TMEM132B: variants seen among roughly 807,000 people sequenced by gnomAD.
TMEM132B encodes the protein transmembrane protein 132B.
A neutral mutation model predicts 90.8 loss-of-function variants in TMEM132B; 18 were observed. The ratio of observed to expected loss-of-function variants is 0.20; its 90% CI spans 0.14 to 0.29. The LOEUF (loss-of-function observed/expected upper bound fraction) is 0.29. Among genes scored for constraint, TMEM132B ranks in the 10% least tolerant of loss-of-function variants. TMEM132B has a pLI of 1.00. For missense variants in TMEM132B, 1,096 were observed against 1,326.8 expected (o/e 0.83, Z 2.70); for synonymous variants, 504 against 523.3 (o/e 0.96, Z 0.50).
intron 1 of TMEM132B, among the ~76,000 whole-genome samples, chr12:125,264,539 G>A (rs1309167592): frequency 6.6e-6 from 1 of 152,206 alleles, no homozygotes; most frequent in Non-Finnish European, 1.5e-5. Flanking sequence ...TTGCTGGAGT[G>A]TTGATGGGGG....
intron 5 of TMEM132B, among the ~76,000 whole-genome samples, chr12:125,601,495 G>T (rs2136920186): frequency 6.6e-6 from 1 of 152,222 alleles, no homozygotes; most frequent in East Asian, 1.9e-4. Flanking sequence ...AGCACTAAAT[G>T]CCCACATTAG....
intron 1 of TMEM132B, among the ~76,000 whole-genome samples, chr12:125,286,867 C>T (rs1875371427): frequency 6.6e-6 from 1 of 152,102 alleles, no homozygotes; most frequent in Admixed American, 6.5e-5. Context: ...CCACACCCAG[C>T]TGATTTTTTA....
chr12:125,649,476 C>T lies in TMEM132B; in HGVS notation c.1644-1207C>T, dbSNP rs1303881359. ...AGCTGTGTGGCCCTGGCTGAGTGGC[C>T]GCACAAACCATGTCTTGGTTTCCTC... On this transcript the variant is annotated intron_variant, in intron 6 of 8. Transcript: ENST00000682704. 1.2e-4 allele frequency among the ~76,000 whole-genome samples: 19 copies of T among 152,296 alleles called. 1 individual carries two copies. Among genetic ancestry groups the T allele is most frequent in the Admixed American group, 7.2e-4 (11 of 15,300 alleles).
chr12:125,584,778 A>G (rs1019212323), intron 5 of TMEM132B: 7 of 152,070 alleles, frequency 4.6e-5, no homozygotes, highest in South Asian at 2.1e-4. Context: ...ATTTCTGCCT[A>G]TTTTTTCTTA....
intron 1 of TMEM132B, among the ~76,000 whole-genome samples, chr12:125,296,195 C>T (rs981269337): frequency 8.5e-5 from 13 of 152,310 alleles, no homozygotes; most frequent in South Asian, 4.1e-4. Flanking sequence ...CCCAGTACAG[C>T]GTGGTCCTGG....
chr12:125,400,017 A>G (rs1879272076), intron 2 of TMEM132B, among the ~76,000 whole-genome samples: 1 of 152,072 alleles, frequency 6.6e-6, no homozygotes, highest in Non-Finnish European at 1.5e-5. Flanking sequence ...CATTTCTACA[A>G]TTGTAGCTGC....
intron 3 of TMEM132B, among the ~76,000 whole-genome samples, chr12:125,475,991 A>T (rs1032165605): frequency 6.6e-6 from 1 of 152,148 alleles, no homozygotes. Flanking sequence ...TTGGATGTGT[A>T]ACCCTGCTTT....
At chr12:125,242,014 CT>C (rs938896387) in intron 1 of TMEM132B, among the ~76,000 whole-genome samples, 73 of 152,310 alleles carry the variant, frequency 4.8e-4, no homozygotes, top group African/African-American at 1.7e-3. Context: ...CTCCAAAGAT[CT>C]GTTGTGAATG....
chr12:125,307,796 C>T (rs1191950227), intron 1 of TMEM132B, among the ~76,000 whole-genome samples: 492 of 24,926 alleles, frequency 0.02, no homozygotes, highest in Admixed American at 0.026. Flanking sequence ...AAGTATATTA[C>T]AAGTATATAT....
intron 2 of TMEM132B, among the ~76,000 whole-genome samples, chr12:125,386,653 AT>A (rs1878844568): frequency 1.3e-5 from 2 of 152,242 alleles, no homozygotes; most frequent in African/African-American, 4.8e-5. Flanking sequence ...TAAGACAGGC[AT>A]ATCCAAAGAG....
At chr12:125,302,961 A>T (rs765934663) in intron 1 of TMEM132B, among the ~76,000 whole-genome samples, 8 of 151,832 alleles carry the variant, frequency 5.3e-5, no homozygotes, top group Non-Finnish European at 8.8e-5. Context: ...GCCAGGCATG[A>T]TGGCAGGCAC....
chr12:125,424,070 T>C (rs750544476), intron 3 of TMEM132B, among the ~76,000 whole-genome samples: 43 of 152,362 alleles, frequency 2.8e-4, no homozygotes, highest in Non-Finnish European at 6.0e-4. Context: ...TCTATTGATA[T>C]TATAGCAGTA....
intron 4 of TMEM132B, among the ~76,000 whole-genome samples, chr12:125,535,538 C>G (rs1340077603): frequency 6.6e-6 from 1 of 150,782 alleles, no homozygotes; most frequent in Non-Finnish European, 1.5e-5. Context: ...ACACAATTCT[C>G]CTACTTTTTT....
At chr12:125,600,164 A>G (rs1488160617) in intron 5 of TMEM132B, among the ~76,000 whole-genome samples, 3 of 152,164 alleles carry the variant, frequency 2.0e-5, no homozygotes, top group African/African-American at 7.2e-5. Context: ...AATTGGAGGG[A>G]GGAAAGAGCC....
rs1565982421 is a variant in TMEM132B at position 125,243,153 on chromosome 12, T to TAA, written c.67+56287_67+56288insAA. On this transcript the variant is annotated intron_variant, in intron 1 of 8. Coordinates refer to ENST00000682704, the MANE Select transcript of TMEM132B (RefSeq NM_001366854.1). Reference sequence around the variant, plus strand: ...CACACACACATATATATATATATAATTTTTTTTTTTATTGGAATCTCACTC... The same window carrying TAA: ...CACACACACATATATATATATATAATAATTTTTTTTTTATTGGAATCTCACTC... 3.3e-4 allele frequency among the ~76,000 whole-genome samples: 25 copies of TAA among 76,800 alleles called. No homozygotes were observed. In the East Asian group the frequency reaches 3.4e-3, roughly 10 times the overall value. 50.4% of individuals were successfully genotyped at this position (76,800 alleles called of 152,430 possible). A position where few individuals can be genotyped will look rare whatever the true frequency, so the allele number is the denominator to read the frequency against.
intron 2 of TMEM132B, among the ~76,000 whole-genome samples, chr12:125,391,219 T>A (rs1879008392): frequency 6.6e-6 from 1 of 152,172 alleles, no homozygotes; most frequent in African/African-American, 2.4e-5. Flanking sequence ...CAGAGTGCCC[T>A]CAGGCTGCAG....
At chr12:125,403,380 T>C (rs1326469613) in intron 2 of TMEM132B, among the ~76,000 whole-genome samples, 1 of 152,248 alleles carries the variant, frequency 6.6e-6, no homozygotes, top group Non-Finnish European at 1.5e-5. Flanking sequence ...TAAAACTCGT[T>C]GTATGCTACT....
At chr12:125,343,942 A>G (rs1175289261) in intron 1 of TMEM132B, among the ~76,000 whole-genome samples, 1 of 152,250 alleles carries the variant, frequency 6.6e-6, no homozygotes, top group Non-Finnish European at 1.5e-5. Context: ...AGAGAAACTC[A>G]GAAGGAACAC....
chr12:125,585,168 G>A (rs969650873), intron 5 of TMEM132B: 1 of 152,176 alleles, frequency 6.6e-6, no homozygotes, highest in African/African-American at 2.4e-5. Flanking sequence ...AATTAACAAA[G>A]AAATTAATTC....
Sources: gnomAD v4.1 joint callset for allele counts (sites outside exome capture counted in the v4.1 genomes callset) on GRCh38, gnomAD v4.1.1 for gene constraint, MANE v1.5 for transcripts, NCBI Gene and HGNC (gene_info 2026-07-23, HGNC 2026-07-21) for gene names.